Variants in MACROD2 observed in about 807,000 individuals in gnomAD.
MACROD2 encodes mono-ADP ribosylhydrolase 2.
MACROD2 carries 36 observed loss-of-function variants against 70.4 expected under a neutral mutation model. The ratio of observed to expected loss-of-function variants is 0.51; its 90% CI spans 0.39 to 0.68. MACROD2 has a LOEUF of 0.68. MACROD2 is among the 30% of genes least tolerant of loss of function. The probability of loss-of-function intolerance (pLI) is 0.00; values close to 1 mark genes in which losing one functional copy is unlikely to be tolerated. For synonymous variants in MACROD2, 172 were observed against 178.8 expected (o/e 0.96, Z 0.30); for missense variants, 496 against 538.4 (o/e 0.92, Z 0.78).
chr20:15,759,541 G>A (rs571506131), intron 8 of MACROD2, among the ~76,000 whole-genome samples: 93 of 152,250 alleles, frequency 6.1e-4, no homozygotes, highest in Non-Finnish European at 1.1e-3. Flanking sequence ...GATAGATACT[G>A]GAAATGCCTA....
chr20:14,709,758 T>A lies in MACROD2; in HGVS notation c.418+24799T>A, dbSNP rs144511004. On this transcript the variant is annotated intron_variant, in intron 5 of 17. Coordinates refer to ENST00000684519, the MANE Select transcript of MACROD2 (RefSeq NM_001351661.2). ...TTCTGATTGTTTAAACAGAAACAAG[T>A]GTAGTATCTTTTAGGATTAGGTCAT... Among the ~76,000 whole-genome samples, 327 of 152,244 alleles carry A rather than the reference T, an allele frequency of 2.1e-3. 1 individual carries two copies. Among genetic ancestry groups the A allele is most frequent in the Non-Finnish European group, 2.8e-3 (188 of 68,004 alleles).
intron 3 of MACROD2, among the ~76,000 whole-genome samples, chr20:14,464,272 T>C (rs1447338435): frequency 6.6e-6 from 1 of 152,086 alleles, no homozygotes; most frequent in Non-Finnish European, 1.5e-5. Context: ...GGAGGGTGTA[T>C]GTGTCGAGGA....
intron 4 of MACROD2, among the ~76,000 whole-genome samples, chr20:14,618,515 T>C (rs1568701830): frequency 6.6e-6 from 1 of 152,152 alleles, no homozygotes; most frequent in African/African-American, 2.4e-5. Context: ...TAGTATATTG[T>C]TGGCACTCAA....
chr20:14,254,838 C>T (rs1056076764), intron 3 of MACROD2, among the ~76,000 whole-genome samples: 3 of 151,668 alleles, frequency 2.0e-5, no homozygotes, highest in Admixed American at 6.6e-5. Flanking sequence ...TTCCTAGCCT[C>T]GATGGTCTTT....
chr20:15,581,600 C>T (rs2048524995), intron 8 of MACROD2, among the ~76,000 whole-genome samples: 1 of 152,120 alleles, frequency 6.6e-6, no homozygotes, highest in African/African-American at 2.4e-5. Flanking sequence ...GAAAGAGCCA[C>T]CAGCTTGAGG....
chr20:15,928,795 G>A (rs1245710199), intron 10 of MACROD2, among the ~76,000 whole-genome samples: 1 of 152,134 alleles, frequency 6.6e-6, no homozygotes, highest in African/African-American at 2.4e-5. Flanking sequence ...TATATTGATG[G>A]CAGTGCAGAC....
In MACROD2 at chr20:15,794,914, C is replaced by T. The variant is rs527729527; in HGVS notation, c.646-67831C>T. On this transcript the variant is annotated intron_variant, in intron 8 of 17. Transcript: ENST00000684519. Reference sequence around the variant, plus strand: ...TACACTATTAAAAAGAATTGAACCCCGTGGCTAGTTCCTATGAATGTTGAA... The same window carrying T: ...TACACTATTAAAAAGAATTGAACCCTGTGGCTAGTTCCTATGAATGTTGAA... Among the ~76,000 whole-genome samples the T allele has an allele frequency of 1.4e-3, 214 of 152,226 alleles. 7 individuals carry two copies. In the South Asian group the frequency reaches 0.042, roughly 30 times the overall value.
At chr20:15,098,405 C>T (rs748942743) in intron 5 of MACROD2, among the ~76,000 whole-genome samples, 17 of 152,054 alleles carry the variant, frequency 1.1e-4, no homozygotes, top group Non-Finnish European at 2.1e-4. Context: ...TTTCTGTATC[C>T]CTTACTCTGC....
At chr20:14,932,652 G>A (rs947715831) in intron 5 of MACROD2, among the ~76,000 whole-genome samples, 4 of 151,984 alleles carry the variant, frequency 2.6e-5, no homozygotes, top group African/African-American at 9.7e-5. Flanking sequence ...CACAACCTCC[G>A]CCTCACAGGT....
chr20:14,275,775 A>T (rs1159300262), intron 3 of MACROD2, among the ~76,000 whole-genome samples: 1 of 152,086 alleles, frequency 6.6e-6, no homozygotes, highest in Non-Finnish European at 1.5e-5. Flanking sequence ...GAACTCAAAC[A>T]AATTTACAAG....
intron 3 of MACROD2, among the ~76,000 whole-genome samples, chr20:14,385,264 A>G (rs1323642873): frequency 1.3e-5 from 2 of 152,136 alleles, no homozygotes; most frequent in East Asian, 3.8e-4. Flanking sequence ...ATGATACACT[A>G]TTATTTTAGT....
intron 7 of MACROD2, among the ~76,000 whole-genome samples, chr20:15,498,072 G>T (rs1045743853): frequency 2.0e-5 from 3 of 152,186 alleles, no homozygotes; most frequent in African/African-American, 4.8e-5. Context: ...TCCCAAATGT[G>T]GTAGACATTG....
rs149699300 is a variant in MACROD2 at position 14,326,985 on chromosome 20, G to T, written c.272-166494G>T. 1.7e-5 allele frequency: 28 copies of T among 1,613,616 alleles called. No individual in the cohort carries two copies. Among genetic ancestry groups the T allele is most frequent in the Non-Finnish European group, 2.4e-5 (28 of 1,179,790 alleles). On this transcript the variant is annotated intron_variant, in intron 3 of 17. Transcript: ENST00000684519. The surrounding 1 kb of genome is among the most constrained non-coding windows in gnomAD (Gnocchi z 5.5). ...CCAAGCGTAGTTCTTCTATAGTCCT[G>T]GGCAAACCCCAGGGAATTGTGCTAA...
rs80284281 is a variant in MACROD2 at position 15,785,331 on chromosome 20, G to T, written c.646-77414G>T. ...GAAGCTCTCCCTCCTGTCAGAGATC[G>T]TGCAGTCCAGATGGATTCATGGGAA... On this transcript the variant is annotated intron_variant, in intron 8 of 17. Coordinates refer to ENST00000684519, the MANE Select transcript of MACROD2 (RefSeq NM_001351661.2). 5.9e-3 allele frequency among the ~76,000 whole-genome samples: 901 copies of T among 152,104 alleles called. 4 individuals are homozygous for T. Among genetic ancestry groups the T allele is most frequent in the African/African-American group, 0.02 (817 of 41,496 alleles).
intron 3 of MACROD2, among the ~76,000 whole-genome samples, chr20:14,391,029 T>C (rs1410828491): frequency 6.6e-6 from 1 of 151,912 alleles, no homozygotes; most frequent in Non-Finnish European, 1.5e-5. Flanking sequence ...TTGGTGGGAG[T>C]GTAATTAGTT....
At chr20:14,066,741 C>G (rs1244043311) in intron 2 of MACROD2, among the ~76,000 whole-genome samples, 1 of 151,964 alleles carries the variant, frequency 6.6e-6, no homozygotes, top group South Asian at 2.1e-4. Context: ...AAGCTCTTAA[C>G]CGACAGGCTG....
chr20:14,767,387 G>C (rs537584945), intron 5 of MACROD2, among the ~76,000 whole-genome samples: 1 of 152,026 alleles, frequency 6.6e-6, no homozygotes, highest in Non-Finnish European at 1.5e-5. Flanking sequence ...CAGTGAAAAT[G>C]ATGAAAGACT....
intron 4 of MACROD2, among the ~76,000 whole-genome samples, chr20:14,621,479 A>C (rs1983821762): frequency 6.6e-6 from 1 of 152,186 alleles, no homozygotes; most frequent in African/African-American, 2.4e-5. Context: ...TAAAAGTATC[A>C]ATCAATTCTT....
chr20:14,599,181 A>T (rs977596426), intron 4 of MACROD2, among the ~76,000 whole-genome samples: 5 of 152,288 alleles, frequency 3.3e-5, no homozygotes, highest in African/African-American at 1.2e-4. Context: ...ATTTTTAAAA[A>T]ACTGTAGAAG....
Sources: gnomAD v4.1 joint callset for allele counts (sites outside exome capture counted in the v4.1 genomes callset) on GRCh38, gnomAD v4.1.1 for gene constraint, Gnocchi (gnomAD v3.1) non-coding constraint, MANE v1.5 for transcripts, NCBI Gene and HGNC (gene_info 2026-07-23, HGNC 2026-07-21) for gene names.